SPON1: variants seen among roughly 807,000 people sequenced by gnomAD.
SPON1 encodes the protein spondin 1, also known as spondin-1.
SPON1 carries 52 observed loss-of-function variants against 111.7 expected under a neutral mutation model. That is an observed-to-expected ratio of 0.47 (90% CI 0.37 to 0.59). The LOEUF (loss-of-function observed/expected upper bound fraction) is 0.59. Ranked by LOEUF, SPON1 falls within the 20% of genes least tolerant of loss-of-function variation. The probability of loss-of-function intolerance (pLI) is 0.00; values close to 1 mark genes in which losing one functional copy is unlikely to be tolerated. For missense variants in SPON1, 957 were observed against 1,068.5 expected (o/e 0.90, Z 1.46); for synonymous variants, 410 against 395.8 (o/e 1.04, Z -0.43).
At chr11:14,032,478 A>C (rs73422165) in intron 2 of SPON1, among the ~76,000 whole-genome samples, 185 of 152,246 alleles carry the variant, frequency 1.2e-3, no homozygotes, top group African/African-American at 4.3e-3. Flanking sequence ...ACCAGTTAGG[A>C]GAGGGGTGCA....
chr11:13,994,053 AT>A (rs1392310941), intron 2 of SPON1, among the ~76,000 whole-genome samples: 2 of 152,294 alleles, frequency 1.3e-5, no homozygotes, highest in African/African-American at 4.8e-5. Context: ...TTTTTAAACT[AT>A]TTTTGTGATC....
intron 6 of SPON1, among the ~76,000 whole-genome samples, chr11:14,221,259 C>T (rs1339470943): frequency 2.0e-5 from 3 of 152,188 alleles, no homozygotes; most frequent in Non-Finnish European, 4.4e-5. Context: ...TGCTGTATCT[C>T]AGACATTATA....
At chr11:14,018,939 C>T (rs576915932) in intron 2 of SPON1, among the ~76,000 whole-genome samples, 4 of 152,240 alleles carry the variant, frequency 2.6e-5, no homozygotes, top group South Asian at 2.1e-4. Context: ...AGCCAGGCAT[C>T]GCAGAATAGT....
chr11:14,183,534 G>A (rs933169671), intron 6 of SPON1, among the ~76,000 whole-genome samples: 26 of 152,250 alleles, frequency 1.7e-4, no homozygotes, highest in Non-Finnish European at 2.8e-4. Context: ...TCTGAGTATC[G>A]TAGCCAGTGT....
chr11:14,179,784 C>G (rs955876566), intron 6 of SPON1, among the ~76,000 whole-genome samples: 12 of 152,032 alleles, frequency 7.9e-5, no homozygotes, highest in Non-Finnish European at 1.6e-4. Context: ...CTGCACTTCT[C>G]GCAGTAGCAC....
chr11:14,066,387 G>T (rs73422187), intron 3 of SPON1, among the ~76,000 whole-genome samples: 1 of 151,868 alleles, frequency 6.6e-6, no homozygotes, highest in Non-Finnish European at 1.5e-5. Context: ...GTCAAAAGAC[G>T]CTGGAAAAAA....
chr11:14,264,003 T>G (rs1458214469), intron 15 of SPON1, among the ~76,000 whole-genome samples: 1 of 148,950 alleles, frequency 6.7e-6, no homozygotes, highest in African/African-American at 2.5e-5. Context: ...CACTCCAGTC[T>G]GGGCAACAAG....
intron 2 of SPON1, among the ~76,000 whole-genome samples, chr11:13,987,030 G>T (rs899710650): frequency 2.0e-5 from 3 of 152,320 alleles, no homozygotes; most frequent in African/African-American, 7.2e-5. Flanking sequence ...ATATATGTGT[G>T]TATGTGTCCT....
At chr11:14,226,888 T>C (rs1554938188) in intron 6 of SPON1, among the ~76,000 whole-genome samples, 1 of 152,224 alleles carries the variant, frequency 6.6e-6, no homozygotes, top group East Asian at 1.9e-4. Context: ...CCAGTCTTCC[T>C]TGGCTTGTGG....
intron 1 of SPON1, among the ~76,000 whole-genome samples, chr11:13,974,706 A>G (rs1005807308): frequency 2.0e-5 from 3 of 152,006 alleles, no homozygotes; most frequent in Admixed American, 6.5e-5. Flanking sequence ...TAATTACACA[A>G]CCTCCAGCCT....
chr11:14,002,212 T>C (rs1848324499), intron 2 of SPON1, among the ~76,000 whole-genome samples: 1 of 152,202 alleles, frequency 6.6e-6, no homozygotes, highest in Admixed American at 6.5e-5. Flanking sequence ...GAAAATTAAA[T>C]AATTTATAAC....
At chr11:14,240,345 A>G (rs1554939545) in intron 6 of SPON1, among the ~76,000 whole-genome samples, 1 of 152,196 alleles carries the variant, frequency 6.6e-6, no homozygotes. Context: ...TTCTTGTTTC[A>G]TTTAACTCAA....
At chr11:14,260,512 G>C in intron 13 of SPON1, 76 bp from the exon 14 acceptor site, 1 of 1,505,512 alleles carries the variant, frequency 6.6e-7, no homozygotes, top group Non-Finnish European at 9.0e-7. Context: ...ACTCGGTGTG[G>C]AACACTGTGG....
At chr11:14,185,004 C>T (rs1172797778) in intron 6 of SPON1, among the ~76,000 whole-genome samples, 1 of 152,200 alleles carries the variant, frequency 6.6e-6, no homozygotes, top group Non-Finnish European at 1.5e-5. Context: ...GTCCACACTA[C>T]CCCATCTCCA....
At chr11:14,250,967 C>T (rs542715020) in intron 7 of SPON1, among the ~76,000 whole-genome samples, 8 of 152,242 alleles carry the variant, frequency 5.3e-5, no homozygotes, top group African/African-American at 1.9e-4. Flanking sequence ...AGTTCTAAGC[C>T]AGACATTGGG....
intron 6 of SPON1, chr11:14,224,845 G>A (rs985801456): frequency 1.1e-5 from 4 of 350,098 alleles, no homozygotes; most frequent in African/African-American, 2.1e-5. Context: ...AAAGCCAAAG[G>A]AAGAATTTCA....
intron 2 of SPON1, among the ~76,000 whole-genome samples, chr11:14,011,397 GA>G (rs66596877): frequency 0.16 from 25,031 of 151,980 alleles, 2,662 homozygotes; most frequent in Non-Finnish European, 0.24. Flanking sequence ...TGTGTCATCA[GA>G]AAAATGCACT....
intron 2 of SPON1, among the ~76,000 whole-genome samples, chr11:14,006,005 C>T (rs1382289785): frequency 1.3e-5 from 2 of 152,158 alleles, no homozygotes; most frequent in African/African-American, 4.8e-5. Context: ...TGATGTCTAA[C>T]ATACCAGTAC....
At chr11:13,993,534 G>A (rs1848248005) in intron 2 of SPON1, among the ~76,000 whole-genome samples, 1 of 152,148 alleles carries the variant, frequency 6.6e-6, no homozygotes, top group Non-Finnish European at 1.5e-5. Flanking sequence ...TCTCTGATCA[G>A]CGGTCCCTTT....
Sources: allele counts gnomAD v4.1 joint callset (sites outside exome capture counted in the v4.1 genomes callset), GRCh38; gene constraint gnomAD v4.1.1; transcripts MANE v1.5; gene names NCBI Gene and HGNC (gene_info 2026-07-23, HGNC 2026-07-21).